ARHGAP23: variants seen among roughly 807,000 people sequenced by gnomAD.
ARHGAP23 encodes the protein Rho GTPase activating protein 23.
Under a neutral mutation model 136.3 loss-of-function variants are expected in ARHGAP23, and 34 were observed. The ratio of observed to expected loss-of-function variants is 0.25; its 90% CI spans 0.19 to 0.33. ARHGAP23 has a LOEUF of 0.33. Among genes scored for constraint, ARHGAP23 ranks in the 10% least tolerant of loss-of-function variants. The pLI, the probability that ARHGAP23 is intolerant of heterozygous loss-of-function variation, is 1.00. For synonymous variants in ARHGAP23, 832 were observed against 920.5 expected (o/e 0.90, Z 1.74); for missense variants, 1,808 against 2,139.0 (o/e 0.85, Z 3.05).
At chr17:38,502,940 G>A (rs1409854166) in intron 23 of ARHGAP23, among the ~76,000 whole-genome samples, 2 of 152,170 alleles carry the variant, frequency 1.3e-5, no homozygotes, top group African/African-American at 4.8e-5. Context: ...AGCTACTTGG[G>A]AGGCTGAGGC....
chr17:38,493,589 T>C (rs1274359707), intron 20 of ARHGAP23, among the ~76,000 whole-genome samples: 1 of 152,130 alleles, frequency 6.6e-6, no homozygotes, highest in Non-Finnish European at 1.5e-5. Context: ...TAACCAGCCC[T>C]GGATGATTGT....
intron 1 of ARHGAP23, among the ~76,000 whole-genome samples, chr17:38,439,168 ACT>A (rs758049433): frequency 1.1e-4 from 17 of 149,606 alleles, no homozygotes; most frequent in South Asian, 4.3e-4. Flanking sequence ...CAAGAGTGAG[ACT>A]CTGTCTAAAA....
intron 23 of ARHGAP23, among the ~76,000 whole-genome samples, chr17:38,501,640 C>T (rs1160296465): frequency 5.9e-5 from 9 of 151,866 alleles, no homozygotes; most frequent in Non-Finnish European, 1.3e-4. Context: ...CATAAAGTTG[C>T]CCATAAATTC....
At chr17:38,456,541 G>A (rs1403086580) in intron 1 of ARHGAP23, among the ~76,000 whole-genome samples, 1 of 152,186 alleles carries the variant, frequency 6.6e-6, no homozygotes, top group East Asian at 1.9e-4. Flanking sequence ...AGTGTTGGTG[G>A]TGAGGGCTTT....
chr17:38,427,357 G>C (rs116253798), upstream of ARHGAP23, among the ~76,000 whole-genome samples: 2,377 of 152,176 alleles, frequency 0.016, 36 homozygotes, highest in African/African-American at 0.04. Context: ...CCAGCTACCT[G>C]GGGAGGCTGA....
At chr17:38,452,708 T>C (rs1200547077) in intron 1 of ARHGAP23, among the ~76,000 whole-genome samples, 1 of 152,088 alleles carries the variant, frequency 6.6e-6, no homozygotes, top group Non-Finnish European at 1.5e-5. Flanking sequence ...GGGCTAGAAA[T>C]GGTGATGGTG....
chr17:38,423,416 G>A (rs1035158319), intron 1 of ARHGAP23, among the ~76,000 whole-genome samples: 5 of 151,450 alleles, frequency 3.3e-5, no homozygotes, highest in African/African-American at 1.2e-4. Context: ...CTATCGCCCA[G>A]GCAAGAGTGC....
chr17:38,466,456 C>T lies in ARHGAP23; in HGVS notation c.773C>T (p.Pro258Leu), dbSNP rs1227630044. The T allele has an allele frequency of 6.6e-7, 1 of 1,523,446 alleles. No individual in the cohort carries two copies. Among genetic ancestry groups the T allele is most frequent in the Admixed American group, 2.0e-5 (1 of 49,880 alleles). 94.4% of individuals were successfully genotyped at this position (1,523,446 alleles called of 1,614,324 possible). ...CCCCGCCCCAGCCCTGGTGCCTTCC[C>T]CCACCTCTCCTCGGAGCCCCGGACG... ...SQPRPSPGAF[P>L]HLSSEPRTPR... The change falls in exon 7 of 24, where the codon CCC becomes CTC. Residue 258 changes from proline (P) to leucine (L), a missense_variant. Coordinates refer to ENST00000622683, the MANE Select transcript of ARHGAP23 (RefSeq NM_001199417.2).
At position 38,479,852 on chromosome 17, in the gene ARHGAP23, C is replaced by T; in HGVS notation, c.2598C>T (p.Leu866=). ...EFLKQSAARG[L]RTQDLPAGSK... ...TCAAGCAGAGTGCGGCACGTGGCCT[C>T]AGGACTCAGGACCTGCCCGCAGGGA... Residue 866 remains leucine, a synonymous_variant, in exon 14 of 24, where the codon CTC becomes CTT. Coordinates refer to ENST00000622683, the MANE Select transcript of ARHGAP23 (RefSeq NM_001199417.2). 6.5e-7 allele frequency: 1 copy of T among 1,545,608 alleles called. No homozygotes were observed. The highest frequency in any genetic ancestry group is 1.4e-5 in the African/African-American group (1 of 72,084).
intron 22 of ARHGAP23, 122 bp from the exon 23 acceptor site, chr17:38,500,475 A>T: frequency 1.2e-6 from 1 of 833,640 alleles, no homozygotes; most frequent in Non-Finnish European, 2.0e-6. Flanking sequence ...GCCTGGGGAG[A>T]TCTCATGTTT....
chr17:38,423,039 G>A (rs1597728115), intron 1 of ARHGAP23, among the ~76,000 whole-genome samples: 1 of 152,190 alleles, frequency 6.6e-6, no homozygotes, highest in East Asian at 1.9e-4. Flanking sequence ...CTAGTCACTG[G>A]AGGCTCCTTC....
chr17:38,465,911 G>C (rs1052844635), intron 6 of ARHGAP23, among the ~76,000 whole-genome samples: 1 of 152,128 alleles, frequency 6.6e-6, no homozygotes, highest in African/African-American at 2.4e-5. Flanking sequence ...GGCTAGGGCA[G>C]TCCTTGTCAC....
At position 38,441,347 on chromosome 17, in the gene ARHGAP23, G is replaced by A. The variant is rs182293925; in HGVS notation, c.63+12799G>A. Among the ~76,000 whole-genome samples, 157 of 152,292 alleles carry A rather than the reference G, an allele frequency of 1.0e-3. 1 individual carries two copies. The East Asian group carries it at 0.02, about 19-fold the overall frequency. ...GGCTGGCGTACTTCACATACTTGGC[G>A]TTTCTCATGTCTGGCTGGCCCAAGG... On this transcript the variant is annotated intron_variant, in intron 1 of 23. Transcript: ENST00000622683.
At chr17:38,503,527 C>A (rs1039343709) in intron 23 of ARHGAP23, among the ~76,000 whole-genome samples, 26 of 152,210 alleles carry the variant, frequency 1.7e-4, no homozygotes, top group African/African-American at 6.0e-4. Context: ...CCACACTCCC[C>A]GGAGAGCCCC....
Position 38,498,516 on chromosome 17 carries a change from C to T in ARHGAP23, c.3415+6C>T, listed in dbSNP as rs756323543. The T allele has an allele frequency of 4.5e-5, 70 of 1,540,766 alleles. No homozygotes were observed. The highest frequency in any genetic ancestry group is 2.5e-4 in the African/African-American group (18 of 72,714). ...CCCTGGCGACCCGGGGTCAGGTGAG[C>T]GCAGGGGCCTGGGAGTGGGGAGGCG... On this transcript the variant is annotated splice_donor_region_variant and intron_variant, in intron 22 of 23. Coordinates refer to ENST00000622683, the MANE Select transcript of ARHGAP23 (RefSeq NM_001199417.2).
intron 1 of ARHGAP23, among the ~76,000 whole-genome samples, chr17:38,446,075 C>T (rs977160058): frequency 2.0e-5 from 3 of 149,666 alleles, no homozygotes; most frequent in Non-Finnish European, 3.0e-5. Flanking sequence ...GGTGTAGTGG[C>T]GCGATTTCAG....
At chr17:38,469,735 C>G in intron 9 of ARHGAP23, 100 bp downstream of exon 9, 1 of 1,500,278 alleles carries the variant, frequency 6.7e-7, no homozygotes, top group Non-Finnish European at 9.0e-7. Context: ...ATGCATGGGA[C>G]AGTGTGCCTC....
chr17:38,480,385 G>A (rs1013260120), intron 14 of ARHGAP23, among the ~76,000 whole-genome samples: 10 of 152,098 alleles, frequency 6.6e-5, no homozygotes, highest in Non-Finnish European at 1.5e-5. Context: ...TGTAATCCCA[G>A]CACTTTGGGA....
chr17:38,437,697 GACA>G (rs2038829046), intron 1 of ARHGAP23, among the ~76,000 whole-genome samples: 1 of 150,958 alleles, frequency 6.6e-6, no homozygotes, highest in African/African-American at 2.4e-5. Context: ...TGTATTCTCT[GACA>G]ACAAGGAGCC....
Sources: allele counts gnomAD v4.1 joint callset (sites outside exome capture counted in the v4.1 genomes callset), GRCh38; gene constraint gnomAD v4.1.1; transcripts MANE v1.5; gene names NCBI Gene and HGNC (gene_info 2026-07-23, HGNC 2026-07-21).